Variants in TRIM3 observed in about 807,000 individuals in gnomAD.
The protein encoded by TRIM3 is tripartite motif containing 3.
TRIM3 carries 13 observed loss-of-function variants against 66.6 expected under a neutral mutation model. That is an observed-to-expected ratio of 0.20 (90% CI 0.13 to 0.31). TRIM3 has a LOEUF of 0.31. TRIM3 is among the 10% of genes least tolerant of loss of function. The pLI, the probability that TRIM3 is intolerant of heterozygous loss-of-function variation, is 1.00. For synonymous variants in TRIM3, 406 were observed against 411.7 expected (o/e 0.99, Z 0.17); for missense variants, 711 against 1,020.4 (o/e 0.70, Z 4.13).
At chr11:6,467,076 AACAG>A (rs1235377497) in intron 1 of TRIM3, among the ~76,000 whole-genome samples, 2 of 152,208 alleles carry the variant, frequency 1.3e-5, no homozygotes, top group Non-Finnish European at 2.9e-5. Flanking sequence ...GGAATGATAA[AACAG>A]ACAGGGTCAC....
chr11:6,449,562 A>C lies in TRIM3; in HGVS notation c.1942-116T>G. 1 of 996,786 alleles carries C rather than the reference A, an allele frequency of 1.0e-6. No individual in the cohort carries two copies. Among genetic ancestry groups the C allele is most frequent in the Non-Finnish European group, 1.5e-6 (1 of 687,348 alleles). The allele number at this position is 996,786 out of a possible 1,614,324, so 61.7% of individuals were successfully genotyped here. On this transcript the variant is annotated intron_variant, in intron 10 of 11. Transcript: ENST00000345851. This position sits in a 1 kb window ranked among gnomAD's most constrained non-coding sequence, Gnocchi z 5.3. ...AACCCCCACCCAGATCTACAGCTAC[A>C]GCCCAAATCTGCTTCATAGGCTTCA...
rs201406536 is a variant in TRIM3 at position 6,458,087 on chromosome 11, G to A, written c.341C>T (p.Ser114Phe). The A allele has an allele frequency of 1.1e-4, 172 of 1,609,906 alleles. No homozygotes were observed. Among genetic ancestry groups the A allele is most frequent in the Non-Finnish European group, 1.6e-5 (19 of 1,178,942 alleles). The change falls in exon 3 of 12, where the codon TCC becomes TTC. Residue 114 changes from serine (S) to phenylalanine (F), a missense_variant. Physicochemically the swap from Ser to Phe is radical, Grantham distance 155 (BLOSUM62 -2). Coordinates refer to ENST00000345851, the MANE Select transcript of TRIM3 (RefSeq NM_033278.4). This position sits in a 1 kb window ranked among gnomAD's most constrained non-coding sequence, Gnocchi z 6.2. ...PLSVVAGRPL[S>F]CPNHEGKTME... Reference sequence around the variant, plus strand: ...CACCTTGCCTTCATGGTTGGGGCAGGAGAGAGGGCGGCCAGCCACTACACT... The same window carrying A: ...CACCTTGCCTTCATGGTTGGGGCAGAAGAGAGGGCGGCCAGCCACTACACT...
In TRIM3 at chr11:6,457,461, G is replaced by A. The variant is rs1372144745; in HGVS notation, c.531C>T (p.Ser177=). The part of the protein sequence containing the change: ...EAVRGRLPQL[S]AAIALVGGIS... ...TGCCCCCGACTAAGGCAATTGCTGCGGACAGCTGTGGCAATCTGGAGGGGG... is the reference window on the plus strand; with the variant it reads ...TGCCCCCGACTAAGGCAATTGCTGCAGACAGCTGTGGCAATCTGGAGGGGG... The change falls in exon 5 of 12, where the codon TCC becomes TCT. Residue 177 remains serine, a synonymous_variant. Coordinates refer to ENST00000345851, the MANE Select transcript of TRIM3 (RefSeq NM_033278.4). This position sits in a 1 kb window ranked among gnomAD's most constrained non-coding sequence, Gnocchi z 4.5. 9.3e-6 allele frequency: 15 copies of A among 1,612,474 alleles called. No homozygotes were observed. The highest frequency in any genetic ancestry group is 1.7e-5 in the Admixed American group (1 of 60,006).
rs1392531439 is a variant in TRIM3, at chr11:6,448,774, G to A, written c.*254C>T. On this transcript the variant is annotated 3_prime_UTR_variant, in exon 12 of 12. Coordinates refer to ENST00000345851, the MANE Select transcript of TRIM3 (RefSeq NM_033278.4). Reference sequence around the variant, plus strand: ...AGCAGACTGACAGGGGTGGGGAGGTGTGTAAGAAGGGTAGGGTGAAGCTCT... The same window carrying A: ...AGCAGACTGACAGGGGTGGGGAGGTATGTAAGAAGGGTAGGGTGAAGCTCT... 3.3e-6 allele frequency: 2 copies of A among 613,400 alleles called. No homozygotes were observed. The highest frequency in any genetic ancestry group is 2.7e-5 in the East Asian group (1 of 36,442). The allele number at this position is 613,400 out of a possible 1,614,324, so 38.0% of individuals were successfully genotyped here.
intron 2 of TRIM3, among the ~76,000 whole-genome samples, chr11:6,464,340 T>C (rs1207949729): frequency 6.6e-6 from 1 of 152,198 alleles, no homozygotes; most frequent in Non-Finnish European, 1.5e-5. Flanking sequence ...CAATGGTCTT[T>C]CTTCTGTGCA....
Position 6,457,667 on chromosome 11 carries a change from A to ACCAGCCCAGGAC in TRIM3, c.515+17_515+28dup. The ACCAGCCCAGGAC allele has an allele frequency of 6.3e-7, 1 of 1,596,934 alleles. No homozygotes were observed. The highest frequency in any genetic ancestry group is 8.6e-7 in the Non-Finnish European group (1 of 1,168,410). On this transcript the variant is annotated intron_variant, in intron 4 of 11. Coordinates refer to ENST00000345851, the MANE Select transcript of TRIM3 (RefSeq NM_033278.4). The surrounding 1 kb of genome is among the most constrained non-coding windows in gnomAD (Gnocchi z 4.5). The stretch of plus-strand genomic sequence containing the variant: ...GCTAAGACACCATCCCTGTGGCCCC[A>ACCAGCCCAGGAC]CCAGCCCAGGACCCTGCCCAGTGCC...
chr11:6,450,683 T>C lies in TRIM3; in HGVS notation c.1871-62A>G, dbSNP rs924060227. On this transcript the variant is annotated intron_variant, in intron 9 of 11. Coordinates refer to ENST00000345851, the MANE Select transcript of TRIM3 (RefSeq NM_033278.4). The surrounding 1 kb of genome is among the most constrained non-coding windows in gnomAD (Gnocchi z 4.8). The stretch of plus-strand genomic sequence containing the variant: ...GGATGCTGAGTGGGATGGGGAAGAG[T>C]ATCTGGGAAGATAAAAGCTAGGGTG... 3.9e-6 allele frequency: 6 copies of C among 1,536,682 alleles called. No individual in the cohort carries two copies. The highest frequency in any genetic ancestry group is 4.5e-6 in the Non-Finnish European group (5 of 1,110,614).
rs577597291 is a variant in TRIM3, at chr11:6,462,761, T to C, written c.131+2804A>G. On this transcript the variant is annotated intron_variant, in intron 2 of 11. Coordinates refer to ENST00000345851, the MANE Select transcript of TRIM3 (RefSeq NM_033278.4). ...GACTTTGAACCTTAGTTTCCTCCTCTCTAATATGGGGATACCTGGGTGTGG... is the reference window on the plus strand; with the variant it reads ...GACTTTGAACCTTAGTTTCCTCCTCCCTAATATGGGGATACCTGGGTGTGG... Among the ~76,000 whole-genome samples, 4 of 151,970 alleles carry C rather than the reference T, an allele frequency of 2.6e-5. No individual in the cohort carries two copies. The South Asian group carries it at 8.3e-4, about 32-fold the overall frequency.
rs138000007 is a variant in TRIM3 at position 6,454,719 on chromosome 11, G to A, written c.1533+1353C>T. Reference sequence around the variant, plus strand: ...TAGAAATAGGGTAGGAGTAAAGGACGACTGGACAGAACTGGGAATATGGCC... The same window carrying A: ...TAGAAATAGGGTAGGAGTAAAGGACAACTGGACAGAACTGGGAATATGGCC... On this transcript the variant is annotated intron_variant, in intron 7 of 11. Coordinates refer to ENST00000345851, the MANE Select transcript of TRIM3 (RefSeq NM_033278.4). Among the ~76,000 whole-genome samples the A allele has an allele frequency of 4.0e-4, 61 of 152,174 alleles. No individual in the cohort carries two copies. In the East Asian group the frequency reaches 8.1e-3, roughly 20 times the overall value.
chr11:6,465,777 T>C (rs975698410), intron 1 of TRIM3, 45 bp from the exon 2 acceptor site: 67 of 1,527,810 alleles, frequency 4.4e-5, no homozygotes, highest in East Asian at 3.3e-4. Context: ...GAACTTCTTC[T>C]CCCCACCCAA....
chr11:6,463,049 G>A (rs11040896), intron 2 of TRIM3, among the ~76,000 whole-genome samples: 69,069 of 151,502 alleles, frequency 0.46, 16,257 homozygotes, highest in Non-Finnish European at 0.5. Context: ...TACTAAAAAT[G>A]CAAAAATTAA....
Position 6,456,866 on chromosome 11 carries a change from G to C in TRIM3, c.860C>G (p.Pro287Arg). 6.2e-7 allele frequency: 1 copy of C among 1,612,594 alleles called. No individual in the cohort carries two copies. Residue 287 changes from proline to arginine, a missense_variant, in exon 6 of 12, where the codon CCG becomes CGG. Pro to Arg is a moderately radical substitution (Grantham distance 103). Transcript: ENST00000345851. This position sits in a 1 kb window ranked among gnomAD's most constrained non-coding sequence, Gnocchi z 6.4. ...CTGTGCATTCTCATGTGGCCGCTCC[G>C]GGAAGGCCTGTGCCGCCAATGCAGC... ...RLAALAAQAF[P>R]ERPHENAQLE... is the part of the protein sequence containing the mutation.
chr11:6,450,837 G>T lies in TRIM3; in HGVS notation c.1870+55C>A. ...GGGCCTTTACAGCTGGGGTATCTAG[G>T]GGAGTTCTCTGGAACAGGGGTATCA... On this transcript the variant is annotated intron_variant, in intron 9 of 11. Coordinates refer to ENST00000345851, the MANE Select transcript of TRIM3 (RefSeq NM_033278.4). This position sits in a 1 kb window ranked among gnomAD's most constrained non-coding sequence, Gnocchi z 4.8. The T allele has an allele frequency of 6.2e-7, 1 of 1,603,674 alleles. No homozygotes were observed. Among genetic ancestry groups the T allele is most frequent in the South Asian group, 1.1e-5 (1 of 90,068 alleles).
intron 7 of TRIM3, chr11:6,452,215 T>G (rs1849753105): frequency 6.6e-6 from 1 of 152,028 alleles, no homozygotes. Flanking sequence ...CTACACAGAG[T>G]GAACCTTTCA....
At chr11:6,469,073 C>G (rs1365662967) in intron 1 of TRIM3, among the ~76,000 whole-genome samples, 1 of 152,090 alleles carries the variant, frequency 6.6e-6, no homozygotes, top group Non-Finnish European at 1.5e-5. Context: ...AGACTTAATA[C>G]CAGGAAAACA....
At chr11:6,473,601 G>C (rs939071258) in intron 1 of TRIM3, among the ~76,000 whole-genome samples, 190 bp downstream of exon 1, 1 of 151,464 alleles carries the variant, frequency 6.6e-6, no homozygotes, top group Non-Finnish European at 1.5e-5. Flanking sequence ...CCTCAAAACA[G>C]GGACCTCACG....
chr11:6,450,081 G>T lies in TRIM3; in HGVS notation c.1941+470C>A. 1 of 161,938 alleles carries T rather than the reference G, an allele frequency of 6.2e-6. No individual in the cohort carries two copies. The highest frequency in any genetic ancestry group is 1.3e-5 in the Non-Finnish European group (1 of 74,178). The allele number at this position is 161,938 out of a possible 1,614,324, so 10.0% of individuals were successfully genotyped here. ...CTCAAGCTGAGTCTGAACTACTTGTGATTTCTCGAACACACTATTAAGGTT... is the reference window on the plus strand; with the variant it reads ...CTCAAGCTGAGTCTGAACTACTTGTTATTTCTCGAACACACTATTAAGGTT... On this transcript the variant is annotated intron_variant, in intron 10 of 11. Coordinates refer to ENST00000345851, the MANE Select transcript of TRIM3 (RefSeq NM_033278.4). The surrounding 1 kb of genome is among the most constrained non-coding windows in gnomAD (Gnocchi z 4.8).
upstream of TRIM3, chr11:6,473,992 G>C (rs2134246916): frequency 6.6e-6 from 1 of 151,462 alleles, no homozygotes; most frequent in South Asian, 2.1e-4. Flanking sequence ...GGGAGGGGGT[G>C]ACTCCAGTAG....
Position 6,456,385 on chromosome 11 carries a change from C to T in TRIM3, c.1341G>A (p.Gln447=). Residue 447 remains glutamine, a synonymous_variant, in exon 6 of 12, where the codon CAG becomes CAA. Coordinates refer to ENST00000345851, the MANE Select transcript of TRIM3 (RefSeq NM_033278.4). This position sits in a 1 kb window ranked among gnomAD's most constrained non-coding sequence, Gnocchi z 6.4. ...SPGGPGSHVR[Q]KAVRRPSSMY... ...TGGAGCTGGGCCTACGCACTGCCTT[C>T]TGGCGCACATGGCTGCCGGGGCCGC... The T allele has an allele frequency of 6.5e-7, 1 of 1,531,208 alleles. No individual in the cohort carries two copies. The highest frequency in any genetic ancestry group is 1.3e-5 in the South Asian group (1 of 78,612). The allele number at this position is 1,531,208 out of a possible 1,614,324, so 94.9% of individuals were successfully genotyped here.
Sources: gnomAD v4.1 joint callset for allele counts (sites outside exome capture counted in the v4.1 genomes callset) on GRCh38, gnomAD v4.1.1 for gene constraint, Gnocchi (gnomAD v3.1) non-coding constraint, MANE v1.5 for transcripts, NCBI Gene and HGNC (gene_info 2026-07-23, HGNC 2026-07-21) for gene names.